Variants in CHGA observed in about 807,000 individuals in gnomAD.
The protein encoded by CHGA is chromogranin-A.
CHGA carries 41 observed loss-of-function variants against 54.4 expected under a neutral mutation model. The observed-to-expected ratio is 0.75, with a 90% confidence interval of 0.59 to 0.98. The LOEUF (loss-of-function observed/expected upper bound fraction) is 0.98, where lower values mean the gene tolerates loss of function less well. Among genes scored for constraint, CHGA ranks in the 50% least tolerant of loss-of-function variants. CHGA has a pLI of 0.00. For missense variants in CHGA, 576 were observed against 582.3 expected (o/e 0.99, Z 0.11); for synonymous variants, 249 against 232.8 (o/e 1.07, Z -0.63).
rs1451526612 is a variant in CHGA, at chr14:92,931,561, T to C, written c.667T>C (p.Trp223Arg). The change falls in exon 6 of 8, where the codon TGG (tryptophan) becomes CGG (arginine). Residue 223 changes from tryptophan (W) to arginine (R), a missense_variant. Coordinates refer to ENST00000216492, the MANE Select transcript of CHGA (RefSeq NM_001275.4). The stretch of plus-strand genomic sequence containing the variant: ...GAAGGGCCTGAGTGCAGAGCCAGGG[T>C]GGCAGGCAAAGAGAGAAGAGGAGGA... Reference protein sequence around the residue: ...REKGLSAEPGWQAKREEEEEE... With the variant: ...REKGLSAEPGRQAKREEEEEE... The C allele has an allele frequency of 1.2e-6, 2 of 1,611,252 alleles. No homozygotes were observed. Among genetic ancestry groups the C allele is most frequent in the Non-Finnish European group, 1.7e-6 (2 of 1,179,428 alleles).
Position 92,934,999 on chromosome 14 carries a change from A to T in CHGA, c.*115A>T. 1.2e-6 allele frequency: 1 copy of T among 837,938 alleles called. No individual in the cohort carries two copies. Among genetic ancestry groups the T allele is most frequent in the Non-Finnish European group, 1.8e-6 (1 of 560,176 alleles). The allele number at this position is 837,938 out of a possible 1,614,324, so 51.9% of individuals were successfully genotyped here. A position where few individuals can be genotyped will look rare whatever the true frequency, so the allele number is the denominator to read the frequency against. ...TGCTTCCGGTAGGGAGGCAGCCTCC[A>T]GCCTGCCCAAGCCCAGGCCACCCTA... On this transcript the variant is annotated 3_prime_UTR_variant, in exon 8 of 8. Transcript: ENST00000216492.
chr14:92,924,032 G>A (rs1886840046), intron 1 of CHGA, among the ~76,000 whole-genome samples, 167 bp from the exon 2 acceptor site: 1 of 152,218 alleles, frequency 6.6e-6, no homozygotes, highest in South Asian at 2.1e-4. Context: ...ACCCCACTGT[G>A]GGCAGCAACC....
Position 92,927,491 on chromosome 14 carries a change from G to C in CHGA, c.188-59G>C, listed in dbSNP as rs1886909241. 2.2e-6 allele frequency: 3 copies of C among 1,360,620 alleles called. No individual in the cohort carries two copies. In the Admixed American group the frequency reaches 5.6e-5, roughly 25 times the overall value. 84.3% of individuals were successfully genotyped at this position (1,360,620 alleles called of 1,614,324 possible). A position where few individuals can be genotyped will look rare whatever the true frequency, so the allele number is the denominator to read the frequency against. On this transcript the variant is annotated intron_variant, in intron 3 of 7. Coordinates refer to ENST00000216492, the MANE Select transcript of CHGA (RefSeq NM_001275.4). The stretch of plus-strand genomic sequence containing the variant: ...TTGTGCTCAGCTGAAAATATTGATG[G>C]TAATCTCTTTCTCGGCTGTTCTCTG...
upstream of CHGA, among the ~76,000 whole-genome samples, chr14:92,922,849 G>A (rs757936496): frequency 2.0e-5 from 3 of 152,240 alleles, no homozygotes; most frequent in Non-Finnish European, 2.9e-5. Flanking sequence ...AAGAAGGCAA[G>A]GTCCAGAGAT....
In CHGA at chr14:92,935,127, G is replaced by A; in HGVS notation, c.*243G>A. The A allele has an allele frequency of 2.0e-6, 1 of 490,052 alleles. No individual in the cohort carries two copies. Among genetic ancestry groups the A allele is most frequent in the Non-Finnish European group, 3.5e-6 (1 of 281,778 alleles). The allele number at this position is 490,052 out of a possible 1,614,324, so 30.4% of individuals were successfully genotyped here. ...TTTAAACATTGACGATTCCTTCTCTGAACACAGGCAGCTTTCTAGAAGTTT... is the reference window on the plus strand; with the variant it reads ...TTTAAACATTGACGATTCCTTCTCTAAACACAGGCAGCTTTCTAGAAGTTT... On this transcript the variant is annotated 3_prime_UTR_variant, in exon 8 of 8. Coordinates refer to ENST00000216492, the MANE Select transcript of CHGA (RefSeq NM_001275.4).
At chr14:92,927,498 C>G (rs561318623) in intron 3 of CHGA, 52 bp from the exon 4 acceptor site, 3 of 1,433,818 alleles carry the variant, frequency 2.1e-6, no homozygotes, top group East Asian at 4.6e-5. Flanking sequence ...ATGGTAATCT[C>G]TTTCTCGGCT....
Position 92,932,013 on chromosome 14 carries a change from T to A in CHGA, c.808+311T>A. 1 of 454,604 alleles carries A rather than the reference T, an allele frequency of 2.2e-6. No homozygotes were observed. The highest frequency in any genetic ancestry group is 3.9e-6 in the Non-Finnish European group (1 of 259,412). 28.2% of individuals were successfully genotyped at this position (454,604 alleles called of 1,614,324 possible). On this transcript the variant is annotated intron_variant, in intron 6 of 7. Coordinates refer to ENST00000216492, the MANE Select transcript of CHGA (RefSeq NM_001275.4). This position sits in a 1 kb window ranked among gnomAD's most constrained non-coding sequence, Gnocchi z 5.3. ...AGGGGTGGGTGATGGGTGGGCTGGCTTTGGGAACAGAGACCATGGCAGGAG... is the reference window on the plus strand; with the variant it reads ...AGGGGTGGGTGATGGGTGGGCTGGCATTGGGAACAGAGACCATGGCAGGAG...
Position 92,935,257 on chromosome 14 carries a change from A to C in CHGA, c.*373A>C. ...ACATATTCTGTATGAACTTTATCTA[A>C]AGAAAAATAAATCTGTTCTGGGCTC... On this transcript the variant is annotated 3_prime_UTR_variant, in exon 8 of 8. Transcript: ENST00000216492. The C allele has an allele frequency of 4.9e-6, 1 of 203,814 alleles. No homozygotes were observed. The allele number at this position is 203,814 out of a possible 1,614,324, so 12.6% of individuals were successfully genotyped here.
chr14:92,923,395 C>A lies in CHGA; in HGVS notation c.36C>A (p.Cys12Ter), dbSNP rs1263837596. ...RSAAVLALLL[C>*]AGQVTALPVN... ...CCGCTGTCCTGGCTCTTCTGCTCTG[C>A]GCCGGGCAAGGTGAGCGAGCGCGGG... Residue 12 changes from cysteine to a stop codon, truncating the protein, a stop_gained, in exon 1 of 8, where the codon TGC (cysteine) becomes TGA (stop). Coordinates refer to ENST00000216492, the MANE Select transcript of CHGA (RefSeq NM_001275.4). LOFTEE classifies it high-confidence loss of function. 2 of 1,269,682 alleles carry A rather than the reference C, an allele frequency of 1.6e-6. No individual in the cohort carries two copies. Among genetic ancestry groups the A allele is most frequent in the Non-Finnish European group, 2.0e-6 (2 of 1,010,226 alleles). 78.7% of individuals were successfully genotyped at this position (1,269,682 alleles called of 1,614,324 possible).
chr14:92,932,950 C>CG lies in CHGA; in HGVS notation c.1290+99_1290+100insG. 1 of 1,401,218 alleles carries CG rather than the reference C, an allele frequency of 7.1e-7. No individual in the cohort carries two copies. Among genetic ancestry groups the CG allele is most frequent in the Non-Finnish European group, 9.4e-7 (1 of 1,068,710 alleles). The allele number at this position is 1,401,218 out of a possible 1,614,324, so 86.8% of individuals were successfully genotyped here. A position where few individuals can be genotyped will look rare whatever the true frequency, so the allele number is the denominator to read the frequency against. On this transcript the variant is annotated intron_variant, in intron 7 of 7. Transcript: ENST00000216492. The surrounding 1 kb of genome is among the most constrained non-coding windows in gnomAD (Gnocchi z 5.3). ...CCCCTGCCCCACTGAGGGGACAGGG[C>CG]CCCCCCGCCGAAGTCTGGGGATGGA...
At position 92,932,400 on chromosome 14, in the gene CHGA, C is replaced by T. The variant is rs572031425; in HGVS notation, c.839C>T (p.Ala280Val). The change falls in exon 7 of 8, where the codon GCT becomes GTT. Residue 280 changes from alanine to valine, a missense_variant. By Grantham distance (64) the Ala-to-Val change is moderately conservative (BLOSUM62 0). Coordinates refer to ENST00000216492, the MANE Select transcript of CHGA (RefSeq NM_001275.4). This position sits in a 1 kb window ranked among gnomAD's most constrained non-coding sequence, Gnocchi z 5.3. ...TCGGAGGCTCTGGCTGTGGATGGAG[C>T]TGGGAAGCCTGGGGCTGAGGAGGCT... Reference protein sequence around the residue: ...SRSEALAVDGAGKPGAEEAQD... With the variant: ...SRSEALAVDGVGKPGAEEAQD... 6.3e-6 allele frequency: 10 copies of T among 1,579,992 alleles called. No individual in the cohort carries two copies. The African/African-American group carries it at 1.2e-4, about 19-fold the overall frequency.
At chr14:92,924,560 G>C (rs1355127067) in intron 2 of CHGA, among the ~76,000 whole-genome samples, 4 of 152,216 alleles carry the variant, frequency 2.6e-5, no homozygotes, top group African/African-American at 7.2e-5. Flanking sequence ...GGGGCTGGTG[G>C]GGGTGGCTTC....
In CHGA at chr14:92,932,295, C is replaced by G; in HGVS notation, c.809-75C>G. Reference sequence around the variant, plus strand: ...CTGGGCTGTGGCCGCAGCAGAGGCCCCCAGGGAGTGGCAGAGACTGGGAAA... The same window carrying G: ...CTGGGCTGTGGCCGCAGCAGAGGCCGCCAGGGAGTGGCAGAGACTGGGAAA... On this transcript the variant is annotated intron_variant, in intron 6 of 7. Coordinates refer to ENST00000216492, the MANE Select transcript of CHGA (RefSeq NM_001275.4). This position sits in a 1 kb window ranked among gnomAD's most constrained non-coding sequence, Gnocchi z 5.3. 6.7e-7 allele frequency: 1 copy of G among 1,484,834 alleles called. No homozygotes were observed. The highest frequency in any genetic ancestry group is 1.4e-5 in the South Asian group (1 of 72,206). 92.0% of individuals were successfully genotyped at this position (1,484,834 alleles called of 1,614,324 possible).
chr14:92,934,150 G>A (rs1409640501), intron 7 of CHGA, among the ~76,000 whole-genome samples: 2 of 152,228 alleles, frequency 1.3e-5, no homozygotes, highest in African/African-American at 2.4e-5. Context: ...CCTGCTCTAA[G>A]TCTTGAGGTT....
intron 4 of CHGA, among the ~76,000 whole-genome samples, chr14:92,928,315 C>G (rs1463524754): frequency 6.6e-6 from 1 of 152,202 alleles, no homozygotes; most frequent in Non-Finnish European, 1.5e-5. Flanking sequence ...CACTCTGAGG[C>G]CTTTGGGACA....
At position 92,927,614 on chromosome 14, in the gene CHGA, C is replaced by T. The variant is rs754438518; in HGVS notation, c.252C>T (p.Leu84=). 1 of 1,612,954 alleles carries T rather than the reference C, an allele frequency of 6.2e-7. No homozygotes were observed. The highest frequency in any genetic ancestry group is 8.5e-7 in the Non-Finnish European group (1 of 1,179,470). Residue 84 remains leucine (L), a synonymous_variant, in exon 4 of 8, where the codon CTC becomes CTT. Coordinates refer to ENST00000216492, the MANE Select transcript of CHGA (RefSeq NM_001275.4). ...TGAAGGAGCTCCAAGACCTCGCTCT[C>T]CAAGGTATTTTCCAGCCACTGCACT... is the stretch of plus-strand genomic sequence containing the variant. ...NLLKELQDLA[L]QGAKERAHQQ...
chr14:92,932,931 C>A lies in CHGA; in HGVS notation c.1290+80C>A. On this transcript the variant is annotated intron_variant, in intron 7 of 7. Coordinates refer to ENST00000216492, the MANE Select transcript of CHGA (RefSeq NM_001275.4). The surrounding 1 kb of genome is among the most constrained non-coding windows in gnomAD (Gnocchi z 5.3). ...GCCGCACCCAGACACACTGCCCCTG[C>A]CCCACTGAGGGGACAGGGCCCCCCC... 2.1e-6 allele frequency: 3 copies of A among 1,439,918 alleles called. No individual in the cohort carries two copies. The highest frequency in any genetic ancestry group is 2.7e-6 in the Non-Finnish European group (3 of 1,093,012). The allele number at this position is 1,439,918 out of a possible 1,614,324, so 89.2% of individuals were successfully genotyped here.
intron 1 of CHGA, 61 bp downstream of exon 1, chr14:92,923,466 C>G: frequency 2.5e-6 from 3 of 1,217,446 alleles, no homozygotes; most frequent in Non-Finnish European, 3.1e-6. Context: ...ACCTTGAGGT[C>G]CGGGCACCGC....
Position 92,931,584 on chromosome 14 carries a change from G to C in CHGA, c.690G>C (p.Glu230Asp). 11 of 1,612,298 alleles carry C rather than the reference G, an allele frequency of 6.8e-6. No individual in the cohort carries two copies. Among genetic ancestry groups the C allele is most frequent in the Admixed American group, 1.7e-5 (1 of 59,978 alleles). ...GGTGGCAGGCAAAGAGAGAAGAGGA[G>C]GAGGAGGAGGAGGAGGAGGCTGAGG... ...EPGWQAKREE[E>D]EEEEEEAEAG... The change falls in exon 6 of 8, where the codon GAG becomes GAC. Residue 230 changes from glutamate (E) to aspartate (D), a missense_variant. Transcript: ENST00000216492.
Sources: allele counts gnomAD v4.1 joint callset (sites outside exome capture counted in the v4.1 genomes callset), GRCh38; gene constraint gnomAD v4.1.1; non-coding constraint Gnocchi (gnomAD v3.1); transcripts MANE v1.5; gene names NCBI Gene and HGNC (gene_info 2026-07-23, HGNC 2026-07-21).